The following LEPR variants were observed in gnomAD, a reference collection of about 807,000 sequenced individuals.
LEPR encodes leptin receptor.
A neutral mutation model predicts 114.7 loss-of-function variants in LEPR; 56 were observed. The observed-to-expected ratio is 0.49, with a 90% CI of 0.39 to 0.61. The LOEUF (loss-of-function observed/expected upper bound fraction) is 0.61. Among genes scored for constraint, LEPR ranks in the 20% least tolerant of loss-of-function variants. The pLI, the probability that LEPR is intolerant of heterozygous loss-of-function variation, is 0.00. For synonymous variants in LEPR, 443 were observed against 461.4 expected (o/e 0.96, Z 0.51); for missense variants, 1,202 against 1,352.9 (o/e 0.89, Z 1.75).
chr1:65,470,421 C>G (rs1326350173), intron 2 of LEPR, among the ~76,000 whole-genome samples: 2 of 152,202 alleles, frequency 1.3e-5, no homozygotes, highest in African/African-American at 4.8e-5. Flanking sequence ...TATTTTGTAA[C>G]TTAACATTGG....
At position 65,637,678 on chromosome 1, in the gene LEPR, G is replaced by A. The variant is rs573347912; in HGVS notation, c.*663G>A. The A allele has an allele frequency of 6.6e-6, 1 of 152,342 alleles. No homozygotes were observed. The highest frequency in any genetic ancestry group is 1.9e-4 in the East Asian group (1 of 5,188). 9.4% of individuals were successfully genotyped at this position (152,342 alleles called of 1,614,324 possible). ...GTTTTAATTCTTCTCTCTGAAAGAT[G>A]TTGAAGTGGTCACTTTCTGATAAAG... On this transcript the variant is annotated 3_prime_UTR_variant, in exon 20 of 20. Transcript: ENST00000349533.
chr1:65,422,620 T>C (rs1219835648), intron 1 of LEPR, among the ~76,000 whole-genome samples: 1 of 152,206 alleles, frequency 6.6e-6, no homozygotes, highest in African/African-American at 2.4e-5. Context: ...AAGGGATCAA[T>C]GTGGCTTCCC....
chr1:65,441,996 T>C (rs1646655959), intron 2 of LEPR, among the ~76,000 whole-genome samples: 1 of 151,906 alleles, frequency 6.6e-6, no homozygotes, highest in South Asian at 2.1e-4. Context: ...GGTTTGCAAG[T>C]GGGGTTAATG....
At chr1:65,473,197 G>T (rs1356240248) in intron 2 of LEPR, among the ~76,000 whole-genome samples, 1 of 152,178 alleles carries the variant, frequency 6.6e-6, no homozygotes, top group East Asian at 1.9e-4. Context: ...GGCAGGCAGG[G>T]ATCATCCTGC....
At chr1:65,427,793 C>CA (rs1378747042) in intron 2 of LEPR, 1 of 415,074 alleles carries the variant, frequency 2.4e-6, no homozygotes, top group East Asian at 7.5e-5. Context: ...GATGCCACAA[C>CA]ACCCAGCTGA....
chr1:65,570,416 T>G (rs1030153268), intron 3 of LEPR, 57 bp from the exon 4 acceptor site: 1 of 1,529,492 alleles, frequency 6.5e-7, no homozygotes, highest in African/African-American at 1.4e-5. Context: ...TACTTTCTAT[T>G]CATGTCTTAG....
intron 6 of LEPR, 94 bp from the exon 7 acceptor site, chr1:65,596,354 G>A: frequency 6.7e-7 from 1 of 1,493,700 alleles, no homozygotes; most frequent in South Asian, 1.2e-5. Context: ...TGAAAGGCAA[G>A]ATATGATGAA....
In LEPR at chr1:65,610,293, G is replaced by C. The variant is rs1239306320; in HGVS notation, c.1992G>C (p.Trp664Cys). The C allele has an allele frequency of 1.2e-6, 2 of 1,609,102 alleles. No individual in the cohort carries two copies. The highest frequency in any genetic ancestry group is 1.7e-6 in the Non-Finnish European group (2 of 1,176,270). ...MKKEKNVTLL[W>C]KPLMKNDSLC... is the part of the protein sequence containing the mutation. ...AGGAGAAAAATGTCACTTTACTTTG[G>C]AAGGTATTCCCAATTTTAATATTAA... is the stretch of plus-strand genomic sequence containing the variant. The change falls in exon 14 of 20, where the codon TGG becomes TGC. Residue 664 changes from tryptophan to cysteine, a missense_variant. By Grantham distance (215) the Trp-to-Cys change is radical (BLOSUM62 -2). Transcript: ENST00000349533.
chr1:65,434,105 G>T (rs1458083711), intron 2 of LEPR: 4 of 984,568 alleles, frequency 4.1e-6, no homozygotes, highest in Non-Finnish European at 3.6e-6. Flanking sequence ...CCTCTTGATT[G>T]TATCTTTAGA....
intron 2 of LEPR, among the ~76,000 whole-genome samples, chr1:65,429,409 C>G (rs549160374): frequency 6.6e-4 from 100 of 152,110 alleles, no homozygotes; most frequent in Non-Finnish European, 1.2e-3. Context: ...TAGATAATAC[C>G]AGACCATAAA....
intron 5 of LEPR, among the ~76,000 whole-genome samples, chr1:65,584,686 C>T (rs569894420): frequency 6.6e-6 from 1 of 152,208 alleles, no homozygotes; most frequent in Admixed American, 6.5e-5. Context: ...ATTGTTTACA[C>T]TCATTTTGCC....
At position 65,637,368 on chromosome 1, in the gene LEPR, A is replaced by T. The variant is rs940286546; in HGVS notation, c.*353A>T. On this transcript the variant is annotated 3_prime_UTR_variant, in exon 20 of 20. Coordinates refer to ENST00000349533, the MANE Select transcript of LEPR (RefSeq NM_002303.6). Reference sequence around the variant, plus strand: ...GTTTTTGTTTTGTACCAACACACACACACACACACATTCTTAACACATGTC... The same window carrying T: ...GTTTTTGTTTTGTACCAACACACACTCACACACACATTCTTAACACATGTC... 4.6e-6 allele frequency: 1 copy of T among 216,202 alleles called. No homozygotes were observed. Among genetic ancestry groups the T allele is most frequent in the Non-Finnish European group, 9.4e-6 (1 of 106,902 alleles). 13.4% of individuals were successfully genotyped at this position (216,202 alleles called of 1,614,324 possible).
At position 65,611,580 on chromosome 1, in the gene LEPR, AG is replaced by A. The variant is rs199758310; in HGVS notation, c.1995+1285del. ...CTTTTTCTTTGATTTGTCCTCTCAGAGCTGTAGTCAACAGCCCTTTGGCCTA... is the reference window on the plus strand; with the variant it reads ...CTTTTTCTTTGATTTGTCCTCTCAGACTGTAGTCAACAGCCCTTTGGCCTA... On this transcript the variant is annotated intron_variant, in intron 14 of 19. Coordinates refer to ENST00000349533, the MANE Select transcript of LEPR (RefSeq NM_002303.6). Among the ~76,000 whole-genome samples the A allele has an allele frequency of 1.5e-3, 231 of 152,312 alleles. 1 individual carries two copies. Among genetic ancestry groups the A allele is most frequent in the Middle Eastern group, 0.01 (3 of 294 alleles).
At position 65,639,698 on chromosome 1, in the gene LEPR, G is replaced by C. The variant is rs1658812750; in HGVS notation, c.*2683G>C. 1 of 152,112 alleles carries C rather than the reference G, an allele frequency of 6.6e-6. No homozygotes were observed. Among genetic ancestry groups the C allele is most frequent in the African/African-American group, 2.4e-5 (1 of 41,428 alleles). The allele number at this position is 152,112 out of a possible 1,614,324, so 9.4% of individuals were successfully genotyped here. A position where few individuals can be genotyped will look rare whatever the true frequency, so the allele number is the denominator to read the frequency against. ...TTTAAGGCCTTAAACCGAAACACAA[G>C]CTACTAATCAGTCTTTCTAAATCTG... On this transcript the variant is annotated 3_prime_UTR_variant, in exon 20 of 20. Coordinates refer to ENST00000349533, the MANE Select transcript of LEPR (RefSeq NM_002303.6).
intron 2 of LEPR, among the ~76,000 whole-genome samples, chr1:65,549,632 C>T (rs1470931538): frequency 2.6e-5 from 4 of 152,032 alleles, no homozygotes; most frequent in Non-Finnish European, 4.4e-5. Flanking sequence ...GCATTCTTCA[C>T]GTAGTTCTCG....
chr1:65,495,055 A>G (rs1648082001), intron 2 of LEPR, among the ~76,000 whole-genome samples: 1 of 152,150 alleles, frequency 6.6e-6, no homozygotes, highest in South Asian at 2.1e-4. Context: ...AAAAACAGAC[A>G]AATTGGAGGG....
At chr1:65,635,648 A>T (rs1658693014) in intron 19 of LEPR, among the ~76,000 whole-genome samples, 1 of 152,170 alleles carries the variant, frequency 6.6e-6, no homozygotes, top group African/African-American at 2.4e-5. Context: ...TTTTACTTTC[A>T]TACCATATCT....
chr1:65,453,916 T>C lies in LEPR; in HGVS notation c.-21+28538T>C, dbSNP rs1646827198. 2.0e-5 allele frequency among the ~76,000 whole-genome samples: 3 copies of C among 151,468 alleles called. No individual in the cohort carries two copies. The South Asian group carries it at 6.3e-4, about 32-fold the overall frequency. On this transcript the variant is annotated intron_variant, in intron 2 of 19. Coordinates refer to ENST00000349533, the MANE Select transcript of LEPR (RefSeq NM_002303.6). ...CTCCCATTATTATTGTGTGGGAGTCTAAGTCTCTTTGTAGGTCACTCAGGA... is the reference window on the plus strand; with the variant it reads ...CTCCCATTATTATTGTGTGGGAGTCCAAGTCTCTTTGTAGGTCACTCAGGA...
At chr1:65,564,573 C>T (rs1653585244) in intron 2 of LEPR, among the ~76,000 whole-genome samples, 2 of 91,786 alleles carry the variant, frequency 2.2e-5, no homozygotes, top group South Asian at 8.1e-4. Context: ...ATCTTGGCTC[C>T]TCCGTGAATC....
Sources: allele counts gnomAD v4.1 joint callset (sites outside exome capture counted in the v4.1 genomes callset), GRCh38; gene constraint gnomAD v4.1.1; transcripts MANE v1.5; gene names NCBI Gene and HGNC (gene_info 2026-07-23, HGNC 2026-07-21).